CADM2: variants seen among roughly 807,000 people sequenced by gnomAD.
CADM2 encodes the protein immunoglobulin superfamily member 4D.
In CADM2, 12 loss-of-function variants were observed where a neutral mutation model predicts 49.8. The ratio of observed to expected loss-of-function variants is 0.24; its 90% CI spans 0.15 to 0.39. CADM2 has a LOEUF of 0.39. CADM2 is among the 10% of genes least tolerant of loss of function. The pLI is 1.00. For missense variants in CADM2, 378 were observed against 492.3 expected (o/e 0.77, Z 2.20); for synonymous variants, 214 against 175.4 (o/e 1.22, Z -1.74).
intron 1 of CADM2, among the ~76,000 whole-genome samples, chr3:85,198,897 T>C (rs958955419): frequency 6.6e-6 from 1 of 151,922 alleles, no homozygotes. Flanking sequence ...CTTAAATGTA[T>C]TCAGTCTCTT....
intron 8 of CADM2, among the ~76,000 whole-genome samples, chr3:85,997,550 A>AT (rs1232415247): frequency 1.3e-5 from 2 of 152,198 alleles, no homozygotes; most frequent in African/African-American, 4.8e-5. Flanking sequence ...AAAAATAATA[A>AT]TTCATCTTTT....
intron 1 of CADM2, among the ~76,000 whole-genome samples, chr3:85,313,714 C>T (rs1475738967): frequency 1.3e-5 from 2 of 152,152 alleles, no homozygotes; most frequent in African/African-American, 4.8e-5. Flanking sequence ...CATTAGCCCT[C>T]ATGTTCTGTA....
At chr3:85,552,286 T>TA (rs2061823907) in intron 1 of CADM2, among the ~76,000 whole-genome samples, 5 of 143,690 alleles carry the variant, frequency 3.5e-5, no homozygotes, top group African/African-American at 1.5e-4. Flanking sequence ...CTATGACATT[T>TA]AAATAATAAT....
intron 4 of CADM2, among the ~76,000 whole-genome samples, chr3:85,885,046 T>C (rs1393434824): frequency 6.6e-6 from 1 of 151,964 alleles, no homozygotes; most frequent in Non-Finnish European, 1.5e-5. Context: ...TAATATTCTT[T>C]TTAAGCTTTA....
At chr3:85,319,065 T>C (rs2044538094) in intron 1 of CADM2, among the ~76,000 whole-genome samples, 1 of 152,068 alleles carries the variant, frequency 6.6e-6, no homozygotes, top group Non-Finnish European at 1.5e-5. Context: ...AGCTTTAAGA[T>C]TAAAGGCAAA....
At chr3:85,204,752 A>G (rs1394907041) in intron 1 of CADM2, among the ~76,000 whole-genome samples, 1 of 152,142 alleles carries the variant, frequency 6.6e-6, no homozygotes, top group Non-Finnish European at 1.5e-5. Context: ...TAAACATAAA[A>G]TCCTATCCTG....
chr3:85,697,358 G>A (rs1161254323), intron 1 of CADM2, among the ~76,000 whole-genome samples: 1 of 151,932 alleles, frequency 6.6e-6, no homozygotes, highest in Non-Finnish European at 1.5e-5. Flanking sequence ...TATAATGATT[G>A]TGTAGCTTTG....
intron 1 of CADM2, among the ~76,000 whole-genome samples, chr3:85,323,377 T>G (rs2044665987): frequency 6.6e-6 from 1 of 152,150 alleles, no homozygotes; most frequent in Admixed American, 6.5e-5. Flanking sequence ...TCCAGGCATT[T>G]TCTTAGTAAC....
intron 7 of CADM2, among the ~76,000 whole-genome samples, chr3:85,960,553 T>G (rs1373595561): frequency 6.6e-6 from 1 of 151,986 alleles, no homozygotes; most frequent in Non-Finnish European, 1.5e-5. Context: ...TAAAAAGTGA[T>G]ATTCATCAAA....
chr3:85,429,350 G>A (rs1246522914), intron 1 of CADM2, among the ~76,000 whole-genome samples: 2 of 152,058 alleles, frequency 1.3e-5, no homozygotes, highest in African/African-American at 4.8e-5. Context: ...ATTCTTACTA[G>A]TTATGTTATG....
chr3:85,789,966 A>G (rs2071229662), intron 2 of CADM2, among the ~76,000 whole-genome samples: 1 of 152,218 alleles, frequency 6.6e-6, no homozygotes, highest in Non-Finnish European at 1.5e-5. Context: ...GACATGCTAA[A>G]GCAATGCAGC....
At chr3:85,176,632 G>A (rs995184698) in intron 1 of CADM2, among the ~76,000 whole-genome samples, 1 of 152,036 alleles carries the variant, frequency 6.6e-6, no homozygotes, top group Non-Finnish European at 1.5e-5. Flanking sequence ...ATGGGATTAA[G>A]GATTTTTTCC....
At chr3:85,461,149 A>G (rs2038227345) in intron 1 of CADM2, among the ~76,000 whole-genome samples, 1 of 152,120 alleles carries the variant, frequency 6.6e-6, no homozygotes, top group Non-Finnish European at 1.5e-5. Context: ...TCAAAGGATC[A>G]TTCACTCATG....
At chr3:85,976,708 G>C (rs1348470067) in intron 8 of CADM2, among the ~76,000 whole-genome samples, 2 of 151,410 alleles carry the variant, frequency 1.3e-5, no homozygotes, top group East Asian at 3.9e-4. Context: ...TGTCATTTTG[G>C]CACTTTCCAC....
chr3:85,127,552 G>A (rs77969516), intron 1 of CADM2, among the ~76,000 whole-genome samples: 5 of 152,114 alleles, frequency 3.3e-5, no homozygotes, highest in African/African-American at 7.2e-5. Context: ...TTTTAAAGTC[G>A]TGAATTCCCT....
At chr3:85,935,035 T>C (rs899070745) in intron 6 of CADM2, among the ~76,000 whole-genome samples, 3 of 152,060 alleles carry the variant, frequency 2.0e-5, no homozygotes, top group African/African-American at 7.2e-5. Flanking sequence ...ATGTTACCTT[T>C]GTGTTGATTA....
chr3:85,965,457 G>A (rs1725361920), intron 8 of CADM2, among the ~76,000 whole-genome samples: 1 of 151,128 alleles, frequency 6.6e-6, no homozygotes, highest in Non-Finnish European at 1.5e-5. Context: ...TTATACCAAG[G>A]ACAATCAAAC....
rs556195550 is a variant in CADM2 at position 85,152,784 on chromosome 3, C to T, written c.61+193116C>T. ...CATCCTGGCTAACACAGTGAAACCC[C>T]GTCTCTACTAAAAATACAAAAAGAA... On this transcript the variant is annotated intron_variant, in intron 1 of 9. Transcript: ENST00000383699. 2.4e-4 allele frequency among the ~76,000 whole-genome samples: 36 copies of T among 151,900 alleles called. 1 individual carries two copies. The highest frequency in any genetic ancestry group is 3.4e-3 in the Middle Eastern group (1 of 292).
intron 1 of CADM2, among the ~76,000 whole-genome samples, chr3:85,445,037 A>G (rs2037380979): frequency 6.6e-6 from 1 of 152,112 alleles, no homozygotes; most frequent in Non-Finnish European, 1.5e-5. Flanking sequence ...CATTATCATG[A>G]TCATAACTAT....
Sources: allele counts gnomAD v4.1 joint callset (sites outside exome capture counted in the v4.1 genomes callset), GRCh38; gene constraint gnomAD v4.1.1; transcripts MANE v1.5; gene names NCBI Gene and HGNC (gene_info 2026-07-23, HGNC 2026-07-21).